The following PCDH15 variants were observed in gnomAD, a reference collection of about 807,000 sequenced individuals.
PCDH15 encodes protocadherin related 15.
Under a neutral mutation model 178.5 loss-of-function variants are expected in PCDH15, and 129 were observed. The observed-to-expected ratio is 0.72, with a 90% CI of 0.63 to 0.84. The LOEUF (loss-of-function observed/expected upper bound fraction) is 0.84. PCDH15 is among the 40% of genes least tolerant of loss of function. The probability of loss-of-function intolerance (pLI) is 0.00; values close to 1 mark genes in which losing one functional copy is unlikely to be tolerated. For missense variants in PCDH15, 2,230 were observed against 2,099.9 expected (o/e 1.06, Z -1.21); for synonymous variants, 800 against 732.0 (o/e 1.09, Z -1.50).
intron 1 of PCDH15, among the ~76,000 whole-genome samples, chr10:55,214,413 A>G (rs1297726079): frequency 6.6e-6 from 1 of 151,688 alleles, no homozygotes; most frequent in Non-Finnish European, 1.5e-5. Flanking sequence ...TTTTTTCTTT[A>G]TGTATATGGA....
chr10:55,119,516 A>G (rs1310616009), intron 2 of PCDH15, among the ~76,000 whole-genome samples: 1 of 150,736 alleles, frequency 6.6e-6, no homozygotes, highest in African/African-American at 2.5e-5. Context: ...AAGGTAAGCA[A>G]ACCTAATTAA....
At chr10:55,031,543 AACTG>A (rs1025989769) in intron 2 of PCDH15, among the ~76,000 whole-genome samples, 2 of 152,202 alleles carry the variant, frequency 1.3e-5, no homozygotes, top group Non-Finnish European at 2.9e-5. Flanking sequence ...TTAAAAAGAC[AACTG>A]TAGGGCTTGG....
intron 1 of PCDH15, among the ~76,000 whole-genome samples, chr10:55,232,076 T>G (rs2132199353): frequency 6.6e-6 from 1 of 152,110 alleles, no homozygotes; most frequent in East Asian, 1.9e-4. Context: ...TTTATATTTA[T>G]TTAGATGAAG....
chr10:55,605,339 C>A (rs543908488), intron 2 of PCDH15, among the ~76,000 whole-genome samples: 5 of 152,130 alleles, frequency 3.3e-5, no homozygotes, highest in Non-Finnish European at 7.4e-5. Flanking sequence ...TGGTACCATT[C>A]CTTCTGAAAC....
chr10:54,192,154 A>AAGAAAGAAAAAGAAAGAAAG (rs1554832302), intron 11 of PCDH15, among the ~76,000 whole-genome samples: 49 of 132,660 alleles, frequency 3.7e-4, no homozygotes, highest in East Asian at 6.3e-4. Flanking sequence ...GAAAGAAAGA[A>AAGAAAGAAAAAGAAAGAAAG]AAAGAAAGAA....
chr10:54,167,901 T>G (rs1470246681), intron 13 of PCDH15, among the ~76,000 whole-genome samples: 8 of 150,690 alleles, frequency 5.3e-5, no homozygotes, highest in Non-Finnish European at 1.0e-4. Context: ...CGACCTCTTA[T>G]CTCTGTGCCC....
intron 14 of PCDH15, among the ~76,000 whole-genome samples, chr10:54,134,686 G>A (rs890748058): frequency 6.0e-5 from 9 of 150,814 alleles, no homozygotes; most frequent in African/African-American, 9.8e-5. Context: ...CCAGGAGGCC[G>A]AGCTTGCAGT....
intron 2 of PCDH15, among the ~76,000 whole-genome samples, chr10:55,053,570 G>C (rs1841218401): frequency 6.6e-6 from 1 of 152,122 alleles, no homozygotes. Flanking sequence ...ATAAATGCTG[G>C]GATCTAACAT....
chr10:55,528,032 C>T (rs905610559), intron 2 of PCDH15, among the ~76,000 whole-genome samples: 7 of 151,518 alleles, frequency 4.6e-5, no homozygotes, highest in South Asian at 2.1e-4. Context: ...TTAGCTTTTA[C>T]AAAAATTTTT....
intron 18 of PCDH15, among the ~76,000 whole-genome samples, chr10:54,026,473 A>G (rs1459342137): frequency 6.6e-6 from 1 of 152,208 alleles, no homozygotes; most frequent in Non-Finnish European, 1.5e-5. Flanking sequence ...AGAATTTTAA[A>G]TAATCAGTTT....
In PCDH15 at chr10:55,396,545, G is replaced by A. The variant is rs1217732626; in HGVS notation, c.-155-229894C>T. Among the ~76,000 whole-genome samples the A allele has an allele frequency of 2.6e-5, 4 of 152,112 alleles. No homozygotes were observed. The South Asian group carries it at 6.2e-4, about 24-fold the overall frequency. On this transcript the variant is annotated intron_variant, in intron 2 of 5. Coordinates refer to the PCDH15 transcript ENST00000613346. Reference sequence around the variant, plus strand: ...GAGTCGCTAAAATTGAGGTCTAATCGAGACCGGTAGGATTGCCAATAGAAA... The same window carrying A: ...GAGTCGCTAAAATTGAGGTCTAATCAAGACCGGTAGGATTGCCAATAGAAA...
chr10:55,540,278 A>G (rs1367424702), intron 2 of PCDH15, among the ~76,000 whole-genome samples: 1 of 152,120 alleles, frequency 6.6e-6, no homozygotes, highest in African/African-American at 2.4e-5. Flanking sequence ...GAGTTCATCA[A>G]AAGATTTAAG....
chr10:55,607,051 GA>G (rs1161612534), intron 2 of PCDH15, among the ~76,000 whole-genome samples: 3 of 151,792 alleles, frequency 2.0e-5, no homozygotes, highest in Admixed American at 6.6e-5. Flanking sequence ...AAATTTACAA[GA>G]AAAAAACAAA....
At chr10:55,244,572 T>TAC (rs779150750) in intron 1 of PCDH15, among the ~76,000 whole-genome samples, 412 of 131,256 alleles carry the variant, frequency 3.1e-3, no homozygotes, top group Non-Finnish European at 3.8e-3. Context: ...ACTGAACTTA[T>TAC]ACACACACAC....
At chr10:53,919,937 G>GA (rs754863201) in intron 25 of PCDH15, among the ~76,000 whole-genome samples, 5 of 152,122 alleles carry the variant, frequency 3.3e-5, no homozygotes, top group Non-Finnish European at 4.4e-5. Flanking sequence ...GACAGGGAAA[G>GA]CAAACCTACT....
intron 23 of PCDH15, among the ~76,000 whole-genome samples, chr10:53,959,342 G>T (rs11003945): frequency 0.069 from 10,425 of 151,200 alleles, 1,045 homozygotes; most frequent in African/African-American, 0.21. Context: ...ACACTGATTA[G>T]ATGGAAAATA....
At chr10:54,327,188 A>G (rs1049839562) in intron 7 of PCDH15, among the ~76,000 whole-genome samples, 1 of 73,874 alleles carries the variant, frequency 1.4e-5, no homozygotes, top group African/African-American at 5.4e-5. Flanking sequence ...TTTTAATTGC[A>G]TGATAAAAAA....
chr10:55,413,009 T>C (rs769552110), intron 2 of PCDH15, among the ~76,000 whole-genome samples: 5 of 151,684 alleles, frequency 3.3e-5, no homozygotes, highest in Admixed American at 2.6e-4. Context: ...TCATACATTA[T>C]TATAAATGAT....
chr10:55,488,672 C>T (rs1025531779), intron 2 of PCDH15, among the ~76,000 whole-genome samples: 5 of 151,378 alleles, frequency 3.3e-5, no homozygotes, highest in African/African-American at 1.2e-4. Flanking sequence ...GAAAAAGAAA[C>T]TTAGTTTCAT....
Sources: gnomAD v4.1 joint callset for allele counts (sites outside exome capture counted in the v4.1 genomes callset) on GRCh38, gnomAD v4.1.1 for gene constraint, MANE v1.5 for transcripts, NCBI Gene and HGNC (gene_info 2026-07-23, HGNC 2026-07-21) for gene names.